The following CAGE1 variants were observed in gnomAD, a reference collection of about 807,000 sequenced individuals.
The protein encoded by CAGE1 is cancer-associated gene 1 protein.
CAGE1 carries 66 observed loss-of-function variants against 94.9 expected under a neutral mutation model. That is an observed-to-expected ratio of 0.70 (90% CI 0.57 to 0.85). The LOEUF is 0.85. Ranked by LOEUF, CAGE1 falls within the 40% of genes least tolerant of loss-of-function variation. The probability of loss-of-function intolerance (pLI) is 0.00; values close to 1 mark genes in which losing one functional copy is unlikely to be tolerated. For synonymous variants in CAGE1, 319 were observed against 321.0 expected, an observed-to-expected ratio of 0.99 and a Z score of 0.07; for missense variants, 865 against 950.4, an observed-to-expected ratio of 0.91 and a Z score of 1.18.
intron 11 of CAGE1, among the ~76,000 whole-genome samples, chr6:7,336,975 A>G (rs1295640794): frequency 6.6e-6 from 1 of 152,114 alleles, no homozygotes; most frequent in East Asian, 1.9e-4. Flanking sequence ...ACGATTTACA[A>G]ATATGTTCTT....
chr6:7,344,446 C>T (rs902394983), intron 11 of CAGE1, among the ~76,000 whole-genome samples: 8 of 152,264 alleles, frequency 5.3e-5, no homozygotes, highest in African/African-American at 1.9e-4. Flanking sequence ...GCCTTAGCTG[C>T]CTTCCCGCAG....
At chr6:7,382,127 C>A (rs1430817126) in intron 3 of CAGE1, among the ~76,000 whole-genome samples, 1 of 151,450 alleles carries the variant, frequency 6.6e-6, no homozygotes, top group South Asian at 2.1e-4. Flanking sequence ...CGTGAGCCAC[C>A]GTGCCCAGCC....
At chr6:7,374,191 T>C (rs1760655852) in intron 4 of CAGE1, 60 bp from the exon 5 acceptor site, 2 of 1,392,028 alleles carry the variant, frequency 1.4e-6, no homozygotes, top group Non-Finnish European at 2.0e-6. Context: ...AGCTTTCAAG[T>C]CAAATAGGGC....
At chr6:7,355,798 T>C (rs1759931700) in intron 10 of CAGE1, among the ~76,000 whole-genome samples, 1 of 152,012 alleles carries the variant, frequency 6.6e-6, no homozygotes, top group Admixed American at 6.6e-5. Context: ...GACCAGGAGG[T>C]TGAGACCAGC....
At chr6:7,387,886 T>C (rs994321683) in intron 1 of CAGE1, among the ~76,000 whole-genome samples, 1 of 138,844 alleles carries the variant, frequency 7.2e-6, no homozygotes, top group African/African-American at 2.7e-5. Flanking sequence ...AAAAAAAAAT[T>C]AGCTGGGCGC....
intron 7 of CAGE1, among the ~76,000 whole-genome samples, chr6:7,368,110 G>A (rs190088505): frequency 6.6e-6 from 1 of 152,034 alleles, no homozygotes; most frequent in Admixed American, 6.5e-5. Flanking sequence ...AAAATTAGCT[G>A]GACGTGGCAG....
chr6:7,373,565 C>T lies in CAGE1; in HGVS notation c.1254G>A (p.Val418=), dbSNP rs1442447139. 1.6e-5 allele frequency: 26 copies of T among 1,613,386 alleles called. No individual in the cohort carries two copies. The highest frequency in any genetic ancestry group is 2.0e-5 in the Non-Finnish European group (24 of 1,179,792). Residue 418 remains valine, a synonymous_variant, in exon 5 of 14, where the codon GTG becomes GTA. Coordinates refer to ENST00000502583, the MANE Select transcript of CAGE1 (RefSeq NM_001170692.2). ...CAGTCATGTACCTTTCCTGTAAACA[C>T]ACATAATTAGCCTTGATCTTCTTAA... ...LQFKKIKANY[V]CLQERYMTEM...
chr6:7,347,340 A>C (rs1759585206), intron 11 of CAGE1: 1 of 152,118 alleles, frequency 6.6e-6, no homozygotes, highest in Non-Finnish European at 1.5e-5. Context: ...AAGAAAATGA[A>C]GGTCTAGTTT....
intron 11 of CAGE1, chr6:7,342,128 C>T: frequency 9.9e-7 from 1 of 1,011,170 alleles, no homozygotes; most frequent in Non-Finnish European, 1.6e-6. Flanking sequence ...ATGAAGGCAG[C>T]TTCACAATCA....
chr6:7,332,807 G>A (rs1758802283), intron 12 of CAGE1, among the ~76,000 whole-genome samples: 1 of 152,148 alleles, frequency 6.6e-6, no homozygotes, highest in Non-Finnish European at 1.5e-5. Flanking sequence ...AGTCATGGAA[G>A]GGGTTCTCTG....
chr6:7,358,547 C>T (rs2714327), intron 9 of CAGE1, among the ~76,000 whole-genome samples: 57,072 of 151,938 alleles, frequency 0.38, 10,870 homozygotes, highest in Admixed American at 0.43. Context: ...CTTGGGTAAA[C>T]ATCTAGGAGT....
At position 7,373,158 on chromosome 6, in the gene CAGE1, CTCCTTGCAACCTGCTGTT is replaced by C; in HGVS notation, c.1643_1660del (p.Lys548_Arg553del). Reference sequence around the variant, plus strand: ...TTTAGGGACATAATTTTGCTCTTCACTCCTTGCAACCTGCTGTTTAAGTTTTGCATTCTCATTTTTTAC... The same window carrying C: ...TTTAGGGACATAATTTTGCTCTTCACTAAGTTTTGCATTCTCATTTTTTAC... On this transcript the variant is annotated inframe_deletion, in exon 5 of 14. Transcript: ENST00000502583. 2 of 1,613,808 alleles carry C rather than the reference CTCCTTGCAACCTGCTGTT, an allele frequency of 1.2e-6. No individual in the cohort carries two copies. Among genetic ancestry groups the C allele is most frequent in the Non-Finnish European group, 1.7e-6 (2 of 1,179,858 alleles).
At chr6:7,351,782 A>G (rs1349079923) in intron 11 of CAGE1, among the ~76,000 whole-genome samples, 1 of 152,166 alleles carries the variant, frequency 6.6e-6, no homozygotes, top group Non-Finnish European at 1.5e-5. Flanking sequence ...AACAAAAATC[A>G]TATGATCTTC....
At chr6:7,352,305 ACAAAAAAAAAC>A (rs1194942110) in intron 11 of CAGE1, among the ~76,000 whole-genome samples, 23 of 112,946 alleles carry the variant, frequency 2.0e-4, no homozygotes, top group African/African-American at 7.3e-4. Flanking sequence ...AAAAAAAAAA[ACAAAAAAAAAC>A]AAAAAAAAAA....
intron 11 of CAGE1, 31 bp from the exon 12 acceptor site, chr6:7,334,121 T>A: frequency 7.3e-7 from 1 of 1,361,850 alleles, no homozygotes; most frequent in Non-Finnish European, 1.0e-6. Context: ...ATTTTATGAC[T>A]AAAATGGACT....
Position 7,350,186 on chromosome 6 carries a change from C to T in CAGE1, c.2369+4855G>A, listed in dbSNP as rs118181986. On this transcript the variant is annotated intron_variant, in intron 11 of 13. Transcript: ENST00000502583. ...AGAGAGACATTATATGGTAAAAAGC[C>T]TCGTCCAACAGGAAAATATCACAAT... 9.6e-4 allele frequency among the ~76,000 whole-genome samples: 146 copies of T among 152,180 alleles called. 1 individual carries two copies. In the East Asian group the frequency reaches 0.024, roughly 25 times the overall value.
At chr6:7,352,123 T>C (rs1323661668) in intron 11 of CAGE1, among the ~76,000 whole-genome samples, 1 of 151,928 alleles carries the variant, frequency 6.6e-6, no homozygotes, top group Non-Finnish European at 1.5e-5. Context: ...TGATCATTTA[T>C]CTTGAAAACC....
chr6:7,378,466 T>TATAC (rs1561866694), intron 4 of CAGE1, 151 bp downstream of exon 4: 5 of 493,896 alleles, frequency 1.0e-5, no homozygotes, highest in Admixed American at 7.6e-5. Context: ...TATATATATA[T>TATAC]ACAATTTTTA....
chr6:7,378,302 T>C (rs1760822888), intron 4 of CAGE1, among the ~76,000 whole-genome samples: 1 of 152,164 alleles, frequency 6.6e-6, no homozygotes, highest in Non-Finnish European at 1.5e-5. Flanking sequence ...GAAATTACCA[T>C]TTGGTAGAGC....
Sources: allele counts gnomAD v4.1 joint callset (sites outside exome capture counted in the v4.1 genomes callset), GRCh38; gene constraint gnomAD v4.1.1; transcripts MANE v1.5; gene names NCBI Gene and HGNC (gene_info 2026-07-23, HGNC 2026-07-21).